The following XRN2 variants were observed in gnomAD, a reference collection of about 807,000 sequenced individuals.
XRN2 encodes 5'-3' exoribonuclease 2, also known as DHM1-like protein.
XRN2 carries 44 observed loss-of-function variants against 138.5 expected under a neutral mutation model. That is an observed-to-expected ratio of 0.32 (90% CI 0.25 to 0.41). The LOEUF is 0.41. Ranked by LOEUF, XRN2 falls within the 10% of genes least tolerant of loss-of-function variation. The pLI is 1.00. For missense variants in XRN2, 937 were observed against 1,169.3 expected, an observed-to-expected ratio of 0.80 and a Z score of 2.90; for synonymous variants, 354 against 369.4, an observed-to-expected ratio of 0.96 and a Z score of 0.48.
At position 21,334,169 on chromosome 20, in the gene XRN2, A is replaced by G; in HGVS notation, c.1217A>G (p.Lys406Arg). The G allele has an allele frequency of 6.2e-7, 1 of 1,613,686 alleles. No homozygotes were observed. Among genetic ancestry groups the G allele is most frequent in the Non-Finnish European group, 8.5e-7 (1 of 1,179,840 alleles). ...GAAGTTGAGGATAGCATTTTTAAAAAGAGAAAGGATGATGAGGTAAAGTGT... is the reference window on the plus strand; with the variant it reads ...GAAGTTGAGGATAGCATTTTTAAAAGGAGAAAGGATGATGAGGTAAAGTGT... ...VGEVEDSIFK[K>R]RKDDEDSFRR... Residue 406 changes from lysine to arginine, a missense_variant, in exon 13 of 30, where the codon AAG becomes AGG. Physicochemically the swap from Lys to Arg is conservative, Grantham distance 26. Transcript: ENST00000377191.
chr20:21,379,085 C>G (rs2038855519), intron 27 of XRN2, among the ~76,000 whole-genome samples: 1 of 152,192 alleles, frequency 6.6e-6, no homozygotes, highest in Non-Finnish European at 1.5e-5. Context: ...GGAATCTTTT[C>G]TGTGATTGCC....
chr20:21,371,109 T>A (rs1331713692), intron 27 of XRN2, among the ~76,000 whole-genome samples: 3 of 152,236 alleles, frequency 2.0e-5, no homozygotes, highest in Admixed American at 1.3e-4. Context: ...AGAGCTGTTT[T>A]TAAACCGAAG....
chr20:21,352,972 A>T (rs2038527915), intron 20 of XRN2, among the ~76,000 whole-genome samples: 1 of 151,972 alleles, frequency 6.6e-6, no homozygotes, highest in Admixed American at 6.6e-5. Context: ...GCTCTGTCAT[A>T]TCTGGATGTA....
intron 26 of XRN2, among the ~76,000 whole-genome samples, chr20:21,368,055 C>T (rs1278003701): frequency 2.0e-5 from 3 of 151,704 alleles, no homozygotes; most frequent in African/African-American, 7.3e-5. Context: ...GTTGGAATTA[C>T]AAAGATGAAG....
chr20:21,303,969 C>A, intron 1 of XRN2: 1 of 606,604 alleles, frequency 1.6e-6, no homozygotes, highest in Non-Finnish European at 2.1e-6. Context: ...AAGGTTTTCT[C>A]CTAGTGTTCA....
chr20:21,343,336 T>C (rs2038395811), intron 15 of XRN2, among the ~76,000 whole-genome samples: 1 of 152,028 alleles, frequency 6.6e-6, no homozygotes, highest in South Asian at 2.1e-4. Flanking sequence ...AAAATTAACG[T>C]ATTATGTTAA....
intron 27 of XRN2, among the ~76,000 whole-genome samples, chr20:21,374,227 G>A (rs566035856): frequency 5.3e-5 from 8 of 151,714 alleles, no homozygotes; most frequent in Admixed American, 1.3e-4. Flanking sequence ...TATGTTCTTT[G>A]AAATCTTTTT....
At position 21,305,499 on chromosome 20, in the gene XRN2, C is replaced by T. The variant is rs1322545079; in HGVS notation, c.75+2026C>T. The stretch of plus-strand genomic sequence containing the variant: ...CGAACTCCTGACCTCAGGTGATCCG[C>T]CTGCCTCAGCCTCCACAGTGCTGAG... On this transcript the variant is annotated intron_variant, in intron 1 of 29. Coordinates refer to ENST00000377191, the MANE Select transcript of XRN2 (RefSeq NM_012255.5). 2.9e-4 allele frequency among the ~76,000 whole-genome samples: 22 copies of T among 76,814 alleles called. 6 individuals are homozygous for T. Among genetic ancestry groups the T allele is most frequent in the African/African-American group, 7.8e-4 (22 of 28,348 alleles). The allele number at this position is 76,814 out of a possible 152,430, so 50.4% of individuals were successfully genotyped here.
chr20:21,334,713 A>T (rs2038261942), intron 13 of XRN2, among the ~76,000 whole-genome samples: 1 of 152,244 alleles, frequency 6.6e-6, no homozygotes, highest in Non-Finnish European at 1.5e-5. Flanking sequence ...ATGAGCGCTT[A>T]CATGAAAAGT....
At chr20:21,332,516 T>C in intron 9 of XRN2, 76 bp downstream of exon 9, 2 of 1,385,230 alleles carry the variant, frequency 1.4e-6, no homozygotes, top group Non-Finnish European at 1.9e-6. Flanking sequence ...ACATAAAATA[T>C]CATTTCAACC....
At chr20:21,362,126 A>T (rs2038643960) in intron 24 of XRN2, among the ~76,000 whole-genome samples, 1 of 152,100 alleles carries the variant, frequency 6.6e-6, no homozygotes, top group Non-Finnish European at 1.5e-5. Flanking sequence ...TCTGAGGGGA[A>T]GTAGGGATGA....
Position 21,334,138 on chromosome 20 carries a change from G to T in XRN2, c.1186G>T (p.Val396Phe), listed in dbSNP as rs1369771132. Residue 396 changes from valine (V) to phenylalanine (F), a missense_variant, in exon 13 of 30, where the codon GTT (valine) becomes TTT (phenylalanine). Val to Phe is a conservative substitution (Grantham distance 50). Coordinates refer to ENST00000377191, the MANE Select transcript of XRN2 (RefSeq NM_012255.5). Reference sequence around the variant, plus strand: ...AAGAGTACAGATGATCATGTTAGCAGTTGGTGAAGTTGAGGATAGCATTTT... The same window carrying T: ...AAGAGTACAGATGATCATGTTAGCATTTGGTGAAGTTGAGGATAGCATTTT... ...LQRVQMIMLA[V>F]GEVEDSIFKK... The T allele has an allele frequency of 6.2e-7, 1 of 1,613,976 alleles. No individual in the cohort carries two copies. Among genetic ancestry groups the T allele is most frequent in the Non-Finnish European group, 8.5e-7 (1 of 1,179,926 alleles).
At position 21,324,144 on chromosome 20, in the gene XRN2, A is replaced by C. The variant is rs1017183637; in HGVS notation, c.76-2135A>C. ...TTATCTTTTTCTATAGACTCCACCC[A>C]CCCCCCCAAGAATTGACCTGCTTTT... is the stretch of plus-strand genomic sequence containing the variant. On this transcript the variant is annotated intron_variant, in intron 1 of 29. Coordinates refer to ENST00000377191, the MANE Select transcript of XRN2 (RefSeq NM_012255.5). 7.3e-5 allele frequency among the ~76,000 whole-genome samples: 11 copies of C among 151,644 alleles called. No individual in the cohort carries two copies. The East Asian group carries it at 7.8e-4, about 11-fold the overall frequency.
chr20:21,348,834 G>A (rs527648954), intron 19 of XRN2, among the ~76,000 whole-genome samples: 2 of 152,158 alleles, frequency 1.3e-5, no homozygotes, highest in South Asian at 2.1e-4. Context: ...TAGTAGAGAT[G>A]GGGTTTCACC....
intron 21 of XRN2, among the ~76,000 whole-genome samples, chr20:21,355,384 G>A (rs140440440): frequency 1.3e-5 from 2 of 152,088 alleles, no homozygotes; most frequent in East Asian, 1.9e-4. Context: ...TGCAAAGCTG[G>A]GCTCTATTGA....
At chr20:21,375,829 T>TATTTATTTATTTATTTA (rs59239603) in intron 27 of XRN2, among the ~76,000 whole-genome samples, 3 of 135,904 alleles carry the variant, frequency 2.2e-5, no homozygotes, top group South Asian at 2.3e-4. Context: ...TTTATTTATT[T>TATTTATTTATTTATTTA]TTTATTTATT....
At chr20:21,364,497 G>GT (rs2095719513) in intron 24 of XRN2, among the ~76,000 whole-genome samples, 1 of 152,138 alleles carries the variant, frequency 6.6e-6, no homozygotes, top group Admixed American at 6.5e-5. Context: ...CAAAGCCTGA[G>GT]TGTATAGCTT....
chr20:21,373,669 T>A (rs1476464729), intron 27 of XRN2, among the ~76,000 whole-genome samples: 2 of 152,230 alleles, frequency 1.3e-5, no homozygotes, highest in Non-Finnish European at 2.9e-5. Context: ...CTTTTAGCTA[T>A]TTGACTAAGC....
At chr20:21,309,848 C>T (rs115301610) in intron 1 of XRN2, among the ~76,000 whole-genome samples, 128 of 151,820 alleles carry the variant, frequency 8.4e-4, no homozygotes, top group Middle Eastern at 3.4e-3. Context: ...ACTTGTAATT[C>T]TACTTTCTTT....
Sources: allele counts gnomAD v4.1 joint callset (sites outside exome capture counted in the v4.1 genomes callset), GRCh38; gene constraint gnomAD v4.1.1; transcripts MANE v1.5; gene names NCBI Gene and HGNC (gene_info 2026-07-23, HGNC 2026-07-21).